Variants in BNC2 observed in about 807,000 individuals in gnomAD.
BNC2 encodes the protein zinc finger protein basonuclin-2.
A neutral mutation model predicts 76.3 loss-of-function variants in BNC2; 20 were observed. The ratio of observed to expected loss-of-function variants is 0.26; its 90% CI spans 0.18 to 0.38. The LOEUF (loss-of-function observed/expected upper bound fraction) is 0.38, where lower values mean the gene tolerates loss of function less well. Among genes scored for constraint, BNC2 ranks in the 10% least tolerant of loss-of-function variants. The pLI is 1.00. For missense variants in BNC2, 1,382 were observed against 1,399.8 expected (o/e 0.99, Z 0.20); for synonymous variants, 582 against 514.8 (o/e 1.13, Z -1.77).
chr9:16,779,901 G>T (rs4378062), intron 1 of BNC2, among the ~76,000 whole-genome samples: 120,252 of 152,018 alleles, frequency 0.79, 47,950 homozygotes, highest in Non-Finnish European at 0.84. Context: ...AATAAAAACG[G>T]TTTAAAATTG....
chr9:16,583,033 T>G lies in BNC2; in HGVS notation c.383A>C (p.Lys128Thr), dbSNP rs769418207. 6.2e-7 allele frequency: 1 copy of G among 1,614,040 alleles called. No homozygotes were observed. The highest frequency in any genetic ancestry group is 8.5e-7 in the Non-Finnish European group (1 of 1,179,974). The change falls in exon 4 of 7, where the codon AAG (lysine) becomes ACG (threonine). Residue 128 changes from lysine (K) to threonine (T), a missense_variant. By Grantham distance (78) the Lys-to-Thr change is moderately conservative. Transcript: ENST00000380672. ...CTGATCACAAGTCCTCAGGTTAATCTTCCCTGGCTGAAAACATTCACATGT... is the reference window on the plus strand; with the variant it reads ...CTGATCACAAGTCCTCAGGTTAATCGTCCCTGGCTGAAAACATTCACATGT... Reference protein sequence around the residue: ...NCTCECFQPGKINLRTCDQCK... With the variant: ...NCTCECFQPGTINLRTCDQCK...
At chr9:16,564,790 T>C (rs1819122509) in intron 4 of BNC2, among the ~76,000 whole-genome samples, 1 of 150,902 alleles carries the variant, frequency 6.6e-6, no homozygotes, top group African/African-American at 2.5e-5. Flanking sequence ...CCCAAAACAA[T>C]GATTGTCCAC....
At chr9:16,841,513 A>C (rs1375318289) in intron 1 of BNC2, among the ~76,000 whole-genome samples, 7 of 138,580 alleles carry the variant, frequency 5.1e-5, no homozygotes, top group Non-Finnish European at 1.1e-4. Flanking sequence ...TCCATAATCA[A>C]ACCATCATAT....
At chr9:16,743,007 C>T (rs1824894370) in intron 1 of BNC2, among the ~76,000 whole-genome samples, 1 of 152,156 alleles carries the variant, frequency 6.6e-6, no homozygotes, top group Admixed American at 6.5e-5. Context: ...TGAGAAAGGA[C>T]AAAATCCCCA....
At chr9:16,826,868 T>A (rs1224210863) in intron 1 of BNC2, among the ~76,000 whole-genome samples, 4 of 152,128 alleles carry the variant, frequency 2.6e-5, no homozygotes, top group Admixed American at 6.5e-5. Context: ...CACAGAGCTA[T>A]CTAAATAAGA....
chr9:16,612,018 T>G (rs1820561076), intron 3 of BNC2, among the ~76,000 whole-genome samples: 1 of 146,960 alleles, frequency 6.8e-6, no homozygotes, highest in Non-Finnish European at 1.5e-5. Flanking sequence ...TATTAGTTAA[T>G]TTGTAAGAGG....
At position 16,419,078 on chromosome 9, in the gene BNC2, T is replaced by A; in HGVS notation, c.3211A>T (p.Asn1071Tyr). The A allele has an allele frequency of 6.2e-7, 1 of 1,614,204 alleles. No homozygotes were observed. Reference protein sequence around the residue: ...EMHKCKVPGCNMMFSSVRSRN... With the variant: ...EMHKCKVPGCYMMFSSVRSRN... ...CTTCGTACAGAGGAAAACATCATATTGCAACCTGGGACTTTGCACTTGTGC... is the reference window on the plus strand; with the variant it reads ...CTTCGTACAGAGGAAAACATCATATAGCAACCTGGGACTTTGCACTTGTGC... The change falls in exon 7 of 7, where the codon AAT becomes TAT. Residue 1071 changes from asparagine (N) to tyrosine (Y), a missense_variant. Physicochemically the swap from Asn to Tyr is moderately radical, Grantham distance 143. Transcript: ENST00000380672.
chr9:16,440,826 T>A (rs1017130875), intron 5 of BNC2, among the ~76,000 whole-genome samples: 19 of 152,278 alleles, frequency 1.2e-4, no homozygotes, highest in African/African-American at 4.6e-4. Context: ...GTGAAAGAGA[T>A]CCAGGTAAGT....
intron 5 of BNC2, among the ~76,000 whole-genome samples, chr9:16,444,720 T>C (rs1167481388): frequency 6.6e-6 from 1 of 152,174 alleles, no homozygotes; most frequent in African/African-American, 2.4e-5. Context: ...AGAGAAACCT[T>C]TGAGCATTAC....
At chr9:16,572,924 C>T (rs991794712) in intron 4 of BNC2, among the ~76,000 whole-genome samples, 2 of 152,148 alleles carry the variant, frequency 1.3e-5, no homozygotes, top group South Asian at 2.1e-4. Context: ...ACGATTACCA[C>T]GTCTAATGGA....
chr9:16,542,756 C>T (rs1002141643), intron 5 of BNC2, among the ~76,000 whole-genome samples: 1 of 152,210 alleles, frequency 6.6e-6, no homozygotes, highest in Middle Eastern at 3.2e-3. Context: ...GTCAGCATTA[C>T]ATACAGGTAT....
intron 5 of BNC2, among the ~76,000 whole-genome samples, chr9:16,487,074 T>A (rs1375005376): frequency 6.6e-6 from 1 of 152,238 alleles, no homozygotes; most frequent in Non-Finnish European, 1.5e-5. Context: ...ACACTTTCTA[T>A]ATTCCCCTTT....
At chr9:16,694,575 ACAGGGGAGC>A (rs1204185423) in intron 3 of BNC2, among the ~76,000 whole-genome samples, 1 of 152,186 alleles carries the variant, frequency 6.6e-6, no homozygotes, top group Non-Finnish European at 1.5e-5. Context: ...GCTGCTCTAA[ACAGGGGAGC>A]CAGGGGAGCC....
chr9:16,667,764 G>A (rs1028845413), intron 3 of BNC2, among the ~76,000 whole-genome samples: 3 of 152,060 alleles, frequency 2.0e-5, no homozygotes, highest in Non-Finnish European at 2.9e-5. Context: ...ATGTTTTGAG[G>A]ACCTACTATG....
chr9:16,484,397 T>C (rs1563804967), intron 5 of BNC2, among the ~76,000 whole-genome samples: 1 of 152,204 alleles, frequency 6.6e-6, no homozygotes, highest in Non-Finnish European at 1.5e-5. Flanking sequence ...TGCTTATAGA[T>C]AAAACAAGCT....
At position 16,761,021 on chromosome 9, in the gene BNC2, T is replaced by C. The variant is rs888148724; in HGVS notation, c.4-22536A>G. 4.6e-5 allele frequency among the ~76,000 whole-genome samples: 7 copies of C among 152,026 alleles called. No homozygotes were observed. The South Asian group carries it at 8.3e-4, about 18-fold the overall frequency. ...TCTTTGGGAGGCTAAGGCAGGAGGA[T>C]TGTTTGAGCCCAAGAGTTCAAGACC... is the stretch of plus-strand genomic sequence containing the variant. On this transcript the variant is annotated intron_variant, in intron 1 of 6. Transcript: ENST00000380672.
intron 3 of BNC2, among the ~76,000 whole-genome samples, chr9:16,602,657 G>A (rs1043801687): frequency 1.3e-5 from 2 of 152,176 alleles, no homozygotes; most frequent in Non-Finnish European, 2.9e-5. Flanking sequence ...TGGGGTTTTG[G>A]AGACATGGAC....
At chr9:16,674,967 C>A (rs1292433735) in intron 3 of BNC2, among the ~76,000 whole-genome samples, 1 of 152,072 alleles carries the variant, frequency 6.6e-6, no homozygotes, top group Non-Finnish European at 1.5e-5. Flanking sequence ...ATTTGAGCAA[C>A]ACCCAAATTC....
chr9:16,587,951 T>C (rs1231825061), intron 3 of BNC2, among the ~76,000 whole-genome samples: 1 of 152,206 alleles, frequency 6.6e-6, no homozygotes, highest in Non-Finnish European at 1.5e-5. Flanking sequence ...ATTATATTTA[T>C]TGGTGTGATT....
Sources: gnomAD v4.1 joint callset for allele counts (sites outside exome capture counted in the v4.1 genomes callset) on GRCh38, gnomAD v4.1.1 for gene constraint, MANE v1.5 for transcripts, NCBI Gene and HGNC (gene_info 2026-07-23, HGNC 2026-07-21) for gene names.